The following NAALADL2 variants were observed in gnomAD, a reference collection of about 807,000 sequenced individuals.
The protein encoded by NAALADL2 is inactive N-acetylated-alpha-linked acidic dipeptidase-like protein 2.
A neutral mutation model predicts 87.2 loss-of-function variants in NAALADL2; 76 were observed. The observed-to-expected ratio is 0.87, with a 90% CI of 0.72 to 1.05. NAALADL2 has a LOEUF of 1.05. Ranked by LOEUF, NAALADL2 falls within the 50% of genes least tolerant of loss-of-function variation. The probability of loss-of-function intolerance (pLI) is 0.00; values close to 1 mark genes in which losing one functional copy is unlikely to be tolerated. For synonymous variants in NAALADL2, 354 were observed against 331.0 expected, an observed-to-expected ratio of 1.07 and a Z score of -0.75; for missense variants, 1,089 against 945.8, an observed-to-expected ratio of 1.15 and a Z score of -1.99.
intron 5 of NAALADL2, among the ~76,000 whole-genome samples, chr3:175,430,854 A>T (rs76950063): frequency 0.023 from 3,572 of 152,166 alleles, 156 homozygotes; most frequent in East Asian, 0.14. Context: ...AATGTTTTAT[A>T]ATTTCCTGTT....
chr3:175,653,874 T>C (rs1731108878), intron 11 of NAALADL2, among the ~76,000 whole-genome samples: 1 of 152,104 alleles, frequency 6.6e-6, no homozygotes, highest in Non-Finnish European at 1.5e-5. Flanking sequence ...GTGTTTGGGG[T>C]CAACAACTTT....
intron 11 of NAALADL2, among the ~76,000 whole-genome samples, chr3:175,730,069 A>G (rs1487733830): frequency 6.6e-6 from 1 of 152,022 alleles, no homozygotes; most frequent in Non-Finnish European, 1.5e-5. Flanking sequence ...GGGCAATGGT[A>G]TTATTTTAGT....
At chr3:174,901,144 T>G (rs189631669) in intron 1 of NAALADL2, among the ~76,000 whole-genome samples, 1 of 152,332 alleles carries the variant, frequency 6.6e-6, no homozygotes, top group East Asian at 1.9e-4. Context: ...GTGTCAGTTG[T>G]GAAAATGTGA....
At chr3:175,579,355 C>T (rs6791927) in intron 10 of NAALADL2, among the ~76,000 whole-genome samples, 1,794 of 151,998 alleles carry the variant, frequency 0.012, 36 homozygotes, top group African/African-American at 0.04. Flanking sequence ...ATGGACATGT[C>T]AAAAAAACAT....
At chr3:175,313,932 C>T (rs771490537) in intron 4 of NAALADL2, among the ~76,000 whole-genome samples, 18 of 151,640 alleles carry the variant, frequency 1.2e-4, no homozygotes, top group Non-Finnish European at 2.4e-4. Context: ...AGTGGTGGTG[C>T]GCGCCTGTAG....
At chr3:174,685,424 C>G (rs751926550) in intron 2 of NAALADL2, among the ~76,000 whole-genome samples, 20 of 152,266 alleles carry the variant, frequency 1.3e-4, no homozygotes, top group Admixed American at 4.6e-4. Context: ...CTGCTGTCAC[C>G]ATGTTTAAGC....
intron 11 of NAALADL2, among the ~76,000 whole-genome samples, chr3:175,674,698 G>C (rs1469764418): frequency 6.6e-6 from 1 of 151,760 alleles, no homozygotes; most frequent in Non-Finnish European, 1.5e-5. Context: ...TTGTTTTTAT[G>C]TTTAAAAATG....
At chr3:174,830,662 A>G (rs1291452487) in intron 3 of NAALADL2, among the ~76,000 whole-genome samples, 1 of 152,122 alleles carries the variant, frequency 6.6e-6, no homozygotes, top group East Asian at 1.9e-4. Flanking sequence ...TGGTAGCTTG[A>G]TGGGGATGGC....
intron 11 of NAALADL2, among the ~76,000 whole-genome samples, chr3:175,678,163 A>G (rs1735079832): frequency 1.3e-5 from 2 of 152,212 alleles, no homozygotes; most frequent in African/African-American, 4.8e-5. Flanking sequence ...ATATTTTATC[A>G]TTGAAAATAC....
At chr3:174,622,484 G>A (rs1721104065) in intron 2 of NAALADL2, among the ~76,000 whole-genome samples, 1 of 152,066 alleles carries the variant, frequency 6.6e-6, no homozygotes, top group Non-Finnish European at 1.5e-5. Context: ...GGGGTTAGGG[G>A]CACCAATCCT....
intron 2 of NAALADL2, among the ~76,000 whole-genome samples, chr3:175,138,218 T>G (rs1281639198): frequency 6.6e-6 from 1 of 152,164 alleles, no homozygotes; most frequent in Non-Finnish European, 1.5e-5. Flanking sequence ...AGATTATCAC[T>G]GTGACTATTC....
At chr3:174,722,594 C>T (rs1039235584) in intron 2 of NAALADL2, among the ~76,000 whole-genome samples, 6 of 152,080 alleles carry the variant, frequency 3.9e-5, no homozygotes, top group South Asian at 2.1e-4. Flanking sequence ...CCCAGCTACT[C>T]GGGAGACTGA....
At chr3:175,226,053 C>T (rs988211499) in intron 2 of NAALADL2, among the ~76,000 whole-genome samples, 1 of 152,020 alleles carries the variant, frequency 6.6e-6, no homozygotes. Context: ...AATACCAAAT[C>T]AATTAAAGTA....
chr3:174,481,483 G>A (rs1717546261), intron 1 of NAALADL2, among the ~76,000 whole-genome samples: 2 of 151,980 alleles, frequency 1.3e-5, no homozygotes, highest in South Asian at 4.2e-4. Context: ...AAATTGCCAC[G>A]AGGTTTAGAG....
rs149358962 is a variant in NAALADL2, at chr3:175,659,960, A to G, written c.1896+32574A>G. Among the ~76,000 whole-genome samples, 247 of 152,300 alleles carry G rather than the reference A, an allele frequency of 1.6e-3. 1 individual carries two copies. The highest frequency in any genetic ancestry group is 5.5e-3 in the African/African-American group (230 of 41,576). On this transcript the variant is annotated intron_variant, in intron 11 of 13. Transcript: ENST00000454872. ...TAGACCTGGTAATTTATAAACAGGA[A>G]TTAATTGCTCACAGTTCTGAAGCTG...
At position 175,363,773 on chromosome 3, in the gene NAALADL2, C is replaced by T. The variant is rs1005120454; in HGVS notation, c.1090+39448C>T. Among the ~76,000 whole-genome samples the T allele has an allele frequency of 4.1e-5, 6 of 147,938 alleles. 1 individual carries two copies. The highest frequency in any genetic ancestry group is 7.5e-5 in the Non-Finnish European group (5 of 66,466). ...GAACTGGAAAATCTGTAACAAGTAT[C>T]TCAGTCTGTAACTAGAATATTGCTT... On this transcript the variant is annotated intron_variant, in intron 5 of 13. Coordinates refer to ENST00000454872, the MANE Select transcript of NAALADL2 (RefSeq NM_207015.3).
At chr3:175,619,945 A>AC (rs1302493818) in intron 10 of NAALADL2, among the ~76,000 whole-genome samples, 17 of 150,484 alleles carry the variant, frequency 1.1e-4, no homozygotes, top group Non-Finnish European at 4.4e-5. Flanking sequence ...AACATGCCCA[A>AC]CCCCCCGAGG....
At chr3:174,779,255 T>A (rs1402117659) in intron 3 of NAALADL2, among the ~76,000 whole-genome samples, 1 of 151,410 alleles carries the variant, frequency 6.6e-6, no homozygotes, top group East Asian at 2.3e-4. Context: ...TTTCATATGT[T>A]TGTTGGCTGC....
intron 2 of NAALADL2, among the ~76,000 whole-genome samples, chr3:175,100,056 A>T (rs1188804873): frequency 6.6e-6 from 1 of 151,272 alleles, no homozygotes; most frequent in Non-Finnish European, 1.5e-5. Context: ...TAAGTTATAT[A>T]ATTATATTAT....
Sources: gnomAD v4.1 joint callset for allele counts (sites outside exome capture counted in the v4.1 genomes callset) on GRCh38, gnomAD v4.1.1 for gene constraint, MANE v1.5 for transcripts, NCBI Gene and HGNC (gene_info 2026-07-23, HGNC 2026-07-21) for gene names.